Variants in SPPL2A observed in about 807,000 individuals in gnomAD.
The protein encoded by SPPL2A is signal peptide peptidase-like 2A.
Under a neutral mutation model 63.8 loss-of-function variants are expected in SPPL2A, and 51 were observed. The ratio of observed to expected loss-of-function variants is 0.80; its 90% CI spans 0.64 to 1.01. The LOEUF (loss-of-function observed/expected upper bound fraction) is 1.01. SPPL2A is among the 50% of genes least tolerant of loss of function. The pLI is 0.00. For missense variants in SPPL2A, 553 were observed against 622.7 expected, an observed-to-expected ratio of 0.89 and a Z score of 1.19; for synonymous variants, 188 against 205.8, an observed-to-expected ratio of 0.91 and a Z score of 0.74.
rs376948410 is a variant in SPPL2A at position 50,703,325 on chromosome 15, C to CATATATATATATATAT, written c.*4459_*4474dup. On this transcript the variant is annotated 3_prime_UTR_variant, in exon 15 of 15. Coordinates refer to ENST00000261854, the MANE Select transcript of SPPL2A (RefSeq NM_032802.4). ...GCCTAAATAAATTAGTTCATATATA[C>CATATATATATATATAT]ATATATATATATATATATATACATA... 6.0e-5 allele frequency: 5 copies of CATATATATATATATAT among 83,060 alleles called. No individual in the cohort carries two copies. Among genetic ancestry groups the CATATATATATATATAT allele is most frequent in the African/African-American group, 2.3e-4 (5 of 21,672 alleles). The allele number at this position is 83,060 out of a possible 1,614,324, so 5.1% of individuals were successfully genotyped here.
At position 50,704,719 on chromosome 15, in the gene SPPL2A, A is replaced by C. The variant is rs2062497097; in HGVS notation, c.*3081T>G. 1.3e-5 allele frequency: 2 copies of C among 152,202 alleles called. No homozygotes were observed. Among genetic ancestry groups the C allele is most frequent in the South Asian group, 4.1e-4 (2 of 4,834 alleles). The allele number at this position is 152,202 out of a possible 1,614,324, so 9.4% of individuals were successfully genotyped here. On this transcript the variant is annotated 3_prime_UTR_variant, in exon 15 of 15. Transcript: ENST00000261854. Reference sequence around the variant, plus strand: ...TTTTGTTCATTTTGAGTCCCCAAATAAAATATTTCTGTACTTTAATTTCTT... The same window carrying C: ...TTTTGTTCATTTTGAGTCCCCAAATCAAATATTTCTGTACTTTAATTTCTT...
rs2414068 is a variant in SPPL2A, at chr15:50,749,576, G to A, written c.177+60C>T. On this transcript the variant is annotated intron_variant, in intron 2 of 14. Coordinates refer to ENST00000261854, the MANE Select transcript of SPPL2A (RefSeq NM_032802.4). ...GCTGGGATTACAGGCATGAGCCACC[G>A]TGCCCAGCCTCCTTCTTCACTATTT... 5,610 of 1,132,530 alleles carry A rather than the reference G, an allele frequency of 5.0e-3. 195 individuals carry two copies. In the African/African-American group the frequency reaches 0.075, roughly 15 times the overall value. 70.2% of individuals were successfully genotyped at this position (1,132,530 alleles called of 1,614,324 possible). A position where few individuals can be genotyped will look rare whatever the true frequency, so the allele number is the denominator to read the frequency against.
chr15:50,717,642 C>T (rs1044136796), intron 14 of SPPL2A, among the ~76,000 whole-genome samples: 1 of 152,180 alleles, frequency 6.6e-6, no homozygotes, highest in Non-Finnish European at 1.5e-5. Context: ...CTCCAGCTTT[C>T]ATTTCCTGTA....
intron 14 of SPPL2A, among the ~76,000 whole-genome samples, chr15:50,711,837 C>T (rs1039991377): frequency 3.9e-5 from 6 of 152,112 alleles, no homozygotes; most frequent in Non-Finnish European, 5.9e-5. Flanking sequence ...CTTTATATTA[C>T]CTGTTTTGTC....
rs991126530 is a variant in SPPL2A at position 50,704,862 on chromosome 15, G to A, written c.*2938C>T. The A allele has an allele frequency of 1.3e-5, 2 of 152,160 alleles. No homozygotes were observed. The highest frequency in any genetic ancestry group is 4.8e-5 in the African/African-American group (2 of 41,520). 9.4% of individuals were successfully genotyped at this position (152,160 alleles called of 1,614,324 possible). A position where few individuals can be genotyped will look rare whatever the true frequency, so the allele number is the denominator to read the frequency against. Reference sequence around the variant, plus strand: ...CTATTTAACCAATAAGATTTTAATAGCAAATTAGAACAAGATTTTACCTCC... The same window carrying A: ...CTATTTAACCAATAAGATTTTAATAACAAATTAGAACAAGATTTTACCTCC... On this transcript the variant is annotated 3_prime_UTR_variant, in exon 15 of 15. Coordinates refer to ENST00000261854, the MANE Select transcript of SPPL2A (RefSeq NM_032802.4).
chr15:50,744,401 T>C (rs933357436), intron 5 of SPPL2A, among the ~76,000 whole-genome samples: 1 of 152,186 alleles, frequency 6.6e-6, no homozygotes, highest in Admixed American at 6.6e-5. Context: ...CTTAGCTTCA[T>C]TTAGTTACAA....
chr15:50,717,338 C>T (rs1035589190), intron 14 of SPPL2A, among the ~76,000 whole-genome samples: 1 of 151,992 alleles, frequency 6.6e-6, no homozygotes, highest in Non-Finnish European at 1.5e-5. Context: ...CCACGCCCAG[C>T]AAATTTTTTC....
intron 3 of SPPL2A, 143 bp from the exon 4 acceptor site, chr15:50,748,345 T>C: frequency 2.3e-6 from 1 of 431,774 alleles, no homozygotes. Flanking sequence ...CTCTAAGTTC[T>C]CAAAATTGAA....
chr15:50,713,149 A>T (rs1256211797), intron 14 of SPPL2A, among the ~76,000 whole-genome samples: 5 of 152,188 alleles, frequency 3.3e-5, no homozygotes, highest in Admixed American at 6.5e-5. Flanking sequence ...TTTTGATTTT[A>T]AATGTTGGAC....
chr15:50,706,574 T>C lies in SPPL2A; in HGVS notation c.*1226A>G, dbSNP rs949126887. The C allele has an allele frequency of 6.6e-5, 10 of 151,340 alleles. No individual in the cohort carries two copies. Among genetic ancestry groups the C allele is most frequent in the African/African-American group, 2.2e-4 (9 of 41,132 alleles). The allele number at this position is 151,340 out of a possible 1,614,324, so 9.4% of individuals were successfully genotyped here. A position where few individuals can be genotyped will look rare whatever the true frequency, so the allele number is the denominator to read the frequency against. On this transcript the variant is annotated 3_prime_UTR_variant, in exon 15 of 15. Coordinates refer to ENST00000261854, the MANE Select transcript of SPPL2A (RefSeq NM_032802.4). ...CACCAAGATTAAGAATCATTACCTATGGGAAAAGGGGTGGGCATCAGGAAG... is the reference window on the plus strand; with the variant it reads ...CACCAAGATTAAGAATCATTACCTACGGGAAAAGGGGTGGGCATCAGGAAG...
rs753607342 is a variant in SPPL2A at position 50,765,474 on chromosome 15, G to A, written c.60C>T (p.Leu20=). 1.3e-5 allele frequency: 19 copies of A among 1,504,432 alleles called. No individual in the cohort carries two copies. The highest frequency in any genetic ancestry group is 1.6e-5 in the Non-Finnish European group (18 of 1,134,160). The allele number at this position is 1,504,432 out of a possible 1,614,324, so 93.2% of individuals were successfully genotyped here. A position where few individuals can be genotyped will look rare whatever the true frequency, so the allele number is the denominator to read the frequency against. Reference sequence around the variant, plus strand: ...CGCCTTCCCGCCCCCTTACCAGCTGGAGCAGGAAGCCCCAGAGTAGGGCGG... The same window carrying A: ...CGCCTTCCCGCCCCCTTACCAGCTGAAGCAGGAAGCCCCAGAGTAGGGCGG... ...AGAALLWGFL[L]QLTAAQEAIL... Residue 20 remains leucine (L), a synonymous_variant, in exon 1 of 15, where the codon CTC becomes CTT. Transcript: ENST00000261854.
chr15:50,752,616 G>A (rs1270622249), intron 1 of SPPL2A, among the ~76,000 whole-genome samples: 2 of 152,052 alleles, frequency 1.3e-5, no homozygotes, highest in East Asian at 1.9e-4. Flanking sequence ...TACTCAGGAG[G>A]CTGAGGCAGG....
intron 1 of SPPL2A, among the ~76,000 whole-genome samples, chr15:50,750,633 C>A (rs902175799): frequency 2.0e-5 from 3 of 152,122 alleles, no homozygotes; most frequent in African/African-American, 7.2e-5. Flanking sequence ...TCATTTCCCA[C>A]TACCTGGAAA....
intron 5 of SPPL2A, among the ~76,000 whole-genome samples, chr15:50,744,509 T>C (rs1035428566): frequency 1.3e-5 from 2 of 152,182 alleles, no homozygotes; most frequent in East Asian, 1.9e-4. Context: ...ATTTTTTTCA[T>C]TGAGAGTTAT....
At chr15:50,747,786 A>C (rs1310178375) in intron 4 of SPPL2A, among the ~76,000 whole-genome samples, 158 bp from the exon 5 acceptor site, 1 of 152,268 alleles carries the variant, frequency 6.6e-6, no homozygotes, top group Non-Finnish European at 1.5e-5. Flanking sequence ...TCTCTAGTCA[A>C]AAGTATGATG....
chr15:50,718,241 T>A (rs113633053), intron 14 of SPPL2A, among the ~76,000 whole-genome samples: 1 of 152,028 alleles, frequency 6.6e-6, no homozygotes, highest in Non-Finnish European at 1.5e-5. Context: ...CCTCCCAAAG[T>A]GCTGGGATTA....
intron 8 of SPPL2A, among the ~76,000 whole-genome samples, chr15:50,733,783 C>G (rs1039907756): frequency 6.6e-6 from 1 of 151,536 alleles, no homozygotes; most frequent in Non-Finnish European, 1.5e-5. Context: ...CAATTAATAA[C>G]CAGAATATGT....
At chr15:50,717,164 T>C (rs1431976788) in intron 14 of SPPL2A, among the ~76,000 whole-genome samples, 3 of 152,176 alleles carry the variant, frequency 2.0e-5, no homozygotes, top group Admixed American at 6.6e-5. Flanking sequence ...CTTCTATCAC[T>C]TCTTTTTTGT....
intron 10 of SPPL2A, among the ~76,000 whole-genome samples, chr15:50,729,538 T>C (rs989419335): frequency 1.3e-5 from 2 of 152,112 alleles, no homozygotes; most frequent in Admixed American, 6.5e-5. Flanking sequence ...TAGGATCACC[T>C]GGGCCTCAGG....
Sources: gnomAD v4.1 joint callset for allele counts (sites outside exome capture counted in the v4.1 genomes callset) on GRCh38, gnomAD v4.1.1 for gene constraint, MANE v1.5 for transcripts, NCBI Gene and HGNC (gene_info 2026-07-23, HGNC 2026-07-21) for gene names.